Variants in RBFOX1 observed in about 807,000 individuals in gnomAD.
RBFOX1 encodes the protein RNA binding fox-1 homolog 1, also known as RNA binding protein fox-1 homolog 1.
RBFOX1 carries 8 observed loss-of-function variants against 57.7 expected under a neutral mutation model. That is an observed-to-expected ratio of 0.14 (90% CI 0.08 to 0.25). RBFOX1 has a LOEUF of 0.25. Among genes scored for constraint, RBFOX1 ranks in the 10% least tolerant of loss-of-function variants. RBFOX1 has a pLI of 1.00. For missense variants in RBFOX1, 611 were observed against 548.5 expected (o/e 1.11, Z -1.14); for synonymous variants, 326 against 222.4 (o/e 1.47, Z -4.15).
At chr16:5,244,728 T>G (rs1456368187) in intron 1 of RBFOX1, among the ~76,000 whole-genome samples, 4 of 152,240 alleles carry the variant, frequency 2.6e-5, no homozygotes, top group Non-Finnish European at 2.9e-5. Flanking sequence ...TGGGAAATTT[T>G]GGGAAGTTCT....
At chr16:6,739,743 G>A (rs1201524346) in intron 3 of RBFOX1, among the ~76,000 whole-genome samples, 1 of 152,046 alleles carries the variant, frequency 6.6e-6, no homozygotes, top group Admixed American at 6.6e-5. Flanking sequence ...TGGGCGTGGT[G>A]GCAGGTGCCT....
intron 3 of RBFOX1, among the ~76,000 whole-genome samples, chr16:6,695,567 C>G (rs1016428910): frequency 6.5e-5 from 7 of 108,356 alleles, no homozygotes; most frequent in South Asian, 3.4e-4. Context: ...ATGAATGTTT[C>G]AAGTATGAGA....
Position 5,370,678 on chromosome 16 carries a change from A to G in RBFOX1, c.220-96538A>G, listed in dbSNP as rs183886057. 6.6e-5 allele frequency among the ~76,000 whole-genome samples: 10 copies of G among 151,536 alleles called. No individual in the cohort carries two copies. The East Asian group carries it at 2.0e-3, about 30-fold the overall frequency. On this transcript the variant is annotated intron_variant, in intron 1 of 2. Coordinates refer to the RBFOX1 transcript ENST00000585867. ...CAGCTATTTTTTTTTTATGTTTTGT[A>G]GAGACAGAGTCTCTGTGTTGCCCAG...
intron 4 of RBFOX1, among the ~76,000 whole-genome samples, chr16:7,298,327 C>T (rs1356934330): frequency 3.1e-5 from 4 of 128,210 alleles, no homozygotes; most frequent in Non-Finnish European, 6.3e-5. Flanking sequence ...CACTCTTTTG[C>T]CCAGGCTCTG....
intron 4 of RBFOX1, among the ~76,000 whole-genome samples, chr16:7,232,630 T>C (rs771950308): frequency 4.0e-5 from 6 of 151,860 alleles, no homozygotes; most frequent in South Asian, 2.1e-4. Context: ...TCACCTGAGG[T>C]TGGGAGTTCG....
chr16:6,944,004 CCTT>C (rs1187407890), intron 3 of RBFOX1, among the ~76,000 whole-genome samples: 2 of 152,116 alleles, frequency 1.3e-5, no homozygotes, highest in African/African-American at 4.8e-5. Context: ...TGCTCAAACT[CCTT>C]TAAGTTTAAT....
chr16:7,247,371 C>G (rs971356492), intron 4 of RBFOX1, among the ~76,000 whole-genome samples: 1 of 152,164 alleles, frequency 6.6e-6, no homozygotes, highest in East Asian at 1.9e-4. Flanking sequence ...AAAGTACACT[C>G]TGCCCATGGA....
intron 4 of RBFOX1, among the ~76,000 whole-genome samples, chr16:7,170,259 C>T (rs1298486975): frequency 1.3e-5 from 2 of 152,100 alleles, no homozygotes; most frequent in Non-Finnish European, 2.9e-5. Flanking sequence ...CCTCCTGCTC[C>T]TCACCACTGT....
intron 3 of RBFOX1, among the ~76,000 whole-genome samples, chr16:6,722,221 C>T (rs2066148293): frequency 6.6e-6 from 1 of 152,210 alleles, no homozygotes; most frequent in Non-Finnish European, 1.5e-5. Flanking sequence ...GAAGGAACCA[C>T]TATCCTGTTT....
At chr16:7,076,456 G>A (rs1040372742) in intron 4 of RBFOX1, among the ~76,000 whole-genome samples, 1 of 151,828 alleles carries the variant, frequency 6.6e-6, no homozygotes, top group Non-Finnish European at 1.5e-5. Context: ...TAAGAAAATA[G>A]GATATACCAG....
At chr16:6,034,062 C>T (rs558241847) in intron 1 of RBFOX1, among the ~76,000 whole-genome samples, 4 of 152,006 alleles carry the variant, frequency 2.6e-5, no homozygotes, top group African/African-American at 7.3e-5. Flanking sequence ...TGGCCAGGCG[C>T]GGTGGCTCAT....
intron 3 of RBFOX1, among the ~76,000 whole-genome samples, chr16:5,814,536 C>T (rs2055552427): frequency 1.3e-5 from 2 of 152,200 alleles, no homozygotes; most frequent in African/African-American, 4.8e-5. Context: ...GAAATTCAGG[C>T]TCAGAGGCCA....
chr16:5,701,937 G>A (rs2051063860), intron 3 of RBFOX1, among the ~76,000 whole-genome samples: 1 of 152,178 alleles, frequency 6.6e-6, no homozygotes, highest in South Asian at 2.1e-4. Context: ...TAAACTCTAG[G>A]AGAATGGAGA....
chr16:5,898,224 C>A (rs1225864025), intron 4 of RBFOX1, among the ~76,000 whole-genome samples: 3 of 152,120 alleles, frequency 2.0e-5, no homozygotes, highest in Non-Finnish European at 4.4e-5. Flanking sequence ...AGGGTAACTT[C>A]CCCCATGATT....
chr16:6,161,832 C>T (rs367608727), intron 1 of RBFOX1, among the ~76,000 whole-genome samples: 1 of 152,166 alleles, frequency 6.6e-6, no homozygotes, highest in Non-Finnish European at 1.5e-5. Flanking sequence ...TTTTGTGAAG[C>T]GTCTAGCCAG....
chr16:7,102,818 T>C (rs1599565061), intron 4 of RBFOX1, among the ~76,000 whole-genome samples: 1 of 152,196 alleles, frequency 6.6e-6, no homozygotes, highest in East Asian at 1.9e-4. Flanking sequence ...CCAGCAATTT[T>C]TTTGAGATTA....
intron 2 of RBFOX1, among the ~76,000 whole-genome samples, chr16:6,643,245 C>T (rs964794743): frequency 2.6e-5 from 4 of 152,062 alleles, no homozygotes; most frequent in Non-Finnish European, 5.9e-5. Context: ...TTGGTGCTTT[C>T]GGTATTTTTT....
intron 3 of RBFOX1, among the ~76,000 whole-genome samples, chr16:5,705,804 T>G (rs144780086): frequency 6.6e-6 from 1 of 152,358 alleles, no homozygotes; most frequent in Non-Finnish European, 1.5e-5. Flanking sequence ...GCGAGGCCTC[T>G]TGGCTTTGCT....
intron 4 of RBFOX1, among the ~76,000 whole-genome samples, chr16:5,960,030 G>A (rs548998306): frequency 1.2e-4 from 18 of 152,098 alleles, no homozygotes; most frequent in South Asian, 8.3e-4. Flanking sequence ...GTGAAACCCC[G>A]TCTCTACTAT....
Sources: gnomAD v4.1 joint callset for allele counts (sites outside exome capture counted in the v4.1 genomes callset) on GRCh38, gnomAD v4.1.1 for gene constraint, MANE v1.5 for transcripts, NCBI Gene and HGNC (gene_info 2026-07-23, HGNC 2026-07-21) for gene names.